Variants in TMEM116 observed in about 807,000 individuals in gnomAD.
TMEM116 encodes the protein transmembrane protein 116.
A neutral mutation model predicts 44.3 loss-of-function variants in TMEM116; 38 were observed. The ratio of observed to expected loss-of-function variants is 0.86; its 90% CI spans 0.66 to 1.12. The LOEUF (loss-of-function observed/expected upper bound fraction) is 1.12, where lower values mean the gene tolerates loss of function less well. Among genes scored for constraint, TMEM116 ranks in the 50% most tolerant of loss-of-function variants. TMEM116 has a pLI of 0.00. For synonymous variants in TMEM116, 132 were observed against 144.8 expected (o/e 0.91, Z 0.64); for missense variants, 354 against 401.7 (o/e 0.88, Z 1.01).
At chr12:111,940,782 G>A (rs1025166570) in intron 5 of TMEM116, among the ~76,000 whole-genome samples, 2 of 151,836 alleles carry the variant, frequency 1.3e-5, no homozygotes, top group South Asian at 4.1e-4. Context: ...ATTGCCCCAT[G>A]TTTTCTCCAT....
intron 4 of TMEM116, among the ~76,000 whole-genome samples, chr12:111,961,182 A>G (rs2074565427): frequency 6.6e-6 from 1 of 152,220 alleles, no homozygotes; most frequent in South Asian, 2.1e-4. Flanking sequence ...GCAGTAATTA[A>G]TAGCCTACCA....
intron 1 of TMEM116, chr12:112,010,320 T>C (rs568234596): frequency 9.8e-5 from 15 of 152,368 alleles, no homozygotes; most frequent in African/African-American, 3.6e-4. Flanking sequence ...TACGGGGTCT[T>C]TGGGGTGTCC....
intron 3 of TMEM116, among the ~76,000 whole-genome samples, chr12:111,994,519 G>A (rs1396781163): frequency 2.0e-5 from 3 of 152,212 alleles, no homozygotes; most frequent in Non-Finnish European, 2.9e-5. Flanking sequence ...TAGTGAGGGC[G>A]GGGGTAGGTT....
intron 5 of TMEM116, among the ~76,000 whole-genome samples, chr12:111,940,032 G>A (rs2072578535): frequency 6.6e-6 from 1 of 151,712 alleles, no homozygotes; most frequent in African/African-American, 2.4e-5. Flanking sequence ...CAGCACTTTG[G>A]GAGGCTGATG....
intron 1 of TMEM116, chr12:112,005,586 G>T: frequency 1.7e-6 from 1 of 574,746 alleles, no homozygotes; most frequent in Non-Finnish European, 2.2e-6. Context: ...AACTAGCCAG[G>T]CACTGAGGCT....
chr12:111,994,237 A>G (rs910870956), intron 3 of TMEM116, among the ~76,000 whole-genome samples: 2 of 152,182 alleles, frequency 1.3e-5, no homozygotes, highest in Non-Finnish European at 2.9e-5. Context: ...CCAACTCTTC[A>G]GGAAAAAAAG....
intron 1 of TMEM116, chr12:112,006,046 G>A: frequency 5.3e-6 from 5 of 951,314 alleles, no homozygotes; most frequent in Non-Finnish European, 6.3e-6. Context: ...TCCTAGTCAG[G>A]TTCTGAATCC....
chr12:111,983,090 G>A (rs1435083166), intron 4 of TMEM116, among the ~76,000 whole-genome samples: 1 of 151,990 alleles, frequency 6.6e-6, no homozygotes, highest in Non-Finnish European at 1.5e-5. Context: ...GAGCACAGGA[G>A]TTCAAGACTA....
intron 3 of TMEM116, among the ~76,000 whole-genome samples, chr12:111,998,507 G>T (rs556435010): frequency 1.1e-4 from 17 of 152,276 alleles, no homozygotes; most frequent in African/African-American, 4.1e-4. Flanking sequence ...ATAACATTCT[G>T]ATCATTAATT....
intron 4 of TMEM116, among the ~76,000 whole-genome samples, chr12:111,945,556 ATTAATGT>A (rs2136288448): frequency 6.6e-6 from 1 of 152,194 alleles, no homozygotes; most frequent in Non-Finnish European, 1.5e-5. Context: ...AAGAACTGTA[ATTAATGT>A]TAACATTCTT....
intron 3 of TMEM116, among the ~76,000 whole-genome samples, chr12:111,994,395 G>C (rs1438243463): frequency 6.6e-6 from 1 of 152,194 alleles, no homozygotes; most frequent in East Asian, 1.9e-4. Context: ...GGATCGGCAG[G>C]TCGAGAAATA....
At chr12:111,958,863 T>C (rs557374023) in intron 4 of TMEM116, among the ~76,000 whole-genome samples, 2 of 152,272 alleles carry the variant, frequency 1.3e-5, no homozygotes, top group East Asian at 1.9e-4. Flanking sequence ...AGACCAAATC[T>C]ACGTTTGATT....
chr12:111,950,511 G>A (rs1051277808), intron 4 of TMEM116, among the ~76,000 whole-genome samples: 5 of 150,402 alleles, frequency 3.3e-5, no homozygotes, highest in African/African-American at 1.2e-4. Context: ...AGGATAGAGA[G>A]CCCAGAAATA....
intron 4 of TMEM116, among the ~76,000 whole-genome samples, chr12:111,962,153 A>C (rs2074635142): frequency 6.6e-6 from 1 of 152,238 alleles, no homozygotes; most frequent in East Asian, 1.9e-4. Flanking sequence ...ACTGCTGCTG[A>C]AGGAAATAAG....
At chr12:111,970,216 T>G (rs1259521836) in intron 4 of TMEM116, among the ~76,000 whole-genome samples, 9 of 151,358 alleles carry the variant, frequency 5.9e-5, no homozygotes, top group Non-Finnish European at 1.5e-5. Context: ...GAGGCAGAAG[T>G]TGCAGTAAGC....
chr12:111,937,005 T>C (rs1186872836), intron 7 of TMEM116, among the ~76,000 whole-genome samples, 155 bp downstream of exon 7: 1 of 152,258 alleles, frequency 6.6e-6, no homozygotes. Flanking sequence ...CACTTTTACT[T>C]ATATATTTTC....
At position 112,012,997 on chromosome 12, in the gene TMEM116, C is replaced by G. The variant is rs1462958641; in HGVS notation, c.-34+5G>C. 6.3e-6 allele frequency: 1 copy of G among 157,892 alleles called. No homozygotes were observed. The highest frequency in any genetic ancestry group is 1.4e-5 in the Non-Finnish European group (1 of 70,008). 9.8% of individuals were successfully genotyped at this position (157,892 alleles called of 1,614,324 possible). A position where few individuals can be genotyped will look rare whatever the true frequency, so the allele number is the denominator to read the frequency against. On this transcript the variant is annotated splice_donor_5th_base_variant and intron_variant, in intron 1 of 10. Coordinates refer to ENST00000552374, the MANE Select transcript of TMEM116 (RefSeq NM_001193531.2). ...ATAACGGCTGAACTTGACTAATAGA[C>G]TGACCGAGGGTTGGAGCGGGTCCCA... is the stretch of plus-strand genomic sequence containing the variant.
At chr12:111,970,405 G>T (rs2075265703) in intron 4 of TMEM116, among the ~76,000 whole-genome samples, 1 of 151,952 alleles carries the variant, frequency 6.6e-6, no homozygotes, top group Non-Finnish European at 1.5e-5. Context: ...GTAATAAAAG[G>T]CCTGAAAGCA....
chr12:111,949,673 T>G (rs1480523806), intron 4 of TMEM116, among the ~76,000 whole-genome samples: 1 of 152,252 alleles, frequency 6.6e-6, no homozygotes, highest in African/African-American at 2.4e-5. Flanking sequence ...CACCTGTTAT[T>G]AGACTGTGGC....
Sources: gnomAD v4.1 joint callset for allele counts (sites outside exome capture counted in the v4.1 genomes callset) on GRCh38, gnomAD v4.1.1 for gene constraint, MANE v1.5 for transcripts, NCBI Gene and HGNC (gene_info 2026-07-23, HGNC 2026-07-21) for gene names.